SRBD1: variants seen among roughly 807,000 people sequenced by gnomAD.
SRBD1 encodes the protein S1 RNA binding domain 1.
In SRBD1, 88 loss-of-function variants were observed where a neutral mutation model predicts 115.3. The observed-to-expected ratio is 0.76, with a 90% confidence interval of 0.64 to 0.91. SRBD1 has a LOEUF of 0.91. Ranked by LOEUF, SRBD1 falls within the 40% of genes least tolerant of loss-of-function variation. The probability of loss-of-function intolerance (pLI) is 0.00; values close to 1 mark genes in which losing one functional copy is unlikely to be tolerated. For synonymous variants in SRBD1, 509 were observed against 407.7 expected, an observed-to-expected ratio of 1.25 and a Z score of -2.99; for missense variants, 1,385 against 1,177.4, an observed-to-expected ratio of 1.18 and a Z score of -2.58.
At chr2:45,555,055 C>G (rs1672429792) in intron 10 of SRBD1, among the ~76,000 whole-genome samples, 6 of 152,036 alleles carry the variant, frequency 3.9e-5, no homozygotes, top group Admixed American at 3.3e-4. Flanking sequence ...TCAAAGACCA[C>G]AAATTTCCAG....
intron 14 of SRBD1, among the ~76,000 whole-genome samples, chr2:45,515,991 CCT>C (rs1426322697): frequency 6.6e-6 from 1 of 152,136 alleles, no homozygotes; most frequent in African/African-American, 2.4e-5. Flanking sequence ...CCTGCCTTGC[CCT>C]CTGTGTTACC....
At chr2:45,565,530 T>C (rs1216092607) in intron 9 of SRBD1, among the ~76,000 whole-genome samples, 1 of 152,104 alleles carries the variant, frequency 6.6e-6, no homozygotes, top group Admixed American at 6.6e-5. Flanking sequence ...AAAATTTCCA[T>C]TAAAAAAGGA....
intron 16 of SRBD1, among the ~76,000 whole-genome samples, chr2:45,472,353 T>C (rs1374371890): frequency 2.6e-5 from 4 of 152,222 alleles, no homozygotes; most frequent in South Asian, 4.1e-4. Flanking sequence ...AATGCGTTTC[T>C]TTTTGGGGTG....
At chr2:45,486,376 ATAT>A (rs1670118872) in intron 15 of SRBD1, among the ~76,000 whole-genome samples, 1 of 152,182 alleles carries the variant, frequency 6.6e-6, no homozygotes, top group Non-Finnish European at 1.5e-5. Flanking sequence ...AGGTACACAA[ATAT>A]TATGTGCACA....
At chr2:45,504,442 G>C (rs1399367104) in intron 14 of SRBD1, among the ~76,000 whole-genome samples, 1 of 151,988 alleles carries the variant, frequency 6.6e-6, no homozygotes, top group East Asian at 1.9e-4. Flanking sequence ...CACCAAATTA[G>C]ACTATCATCA....
At chr2:45,521,076 C>G (rs1671267313) in intron 14 of SRBD1, among the ~76,000 whole-genome samples, 1 of 152,100 alleles carries the variant, frequency 6.6e-6, no homozygotes, top group Non-Finnish European at 1.5e-5. Flanking sequence ...CGCATGCTCC[C>G]CCTCCCATAA....
At chr2:45,590,461 T>G (rs1257291268) in intron 4 of SRBD1, among the ~76,000 whole-genome samples, 8 of 152,204 alleles carry the variant, frequency 5.3e-5, no homozygotes, top group Non-Finnish European at 1.2e-4. Flanking sequence ...AAATCTCACC[T>G]TGATTTGTAA....
intron 14 of SRBD1, among the ~76,000 whole-genome samples, chr2:45,537,477 TAA>T (rs1225787863): frequency 6.6e-6 from 1 of 152,182 alleles, no homozygotes; most frequent in Non-Finnish European, 1.5e-5. Flanking sequence ...ACTGTGCCTG[TAA>T]CATAGTCTTG....
intron 16 of SRBD1, among the ~76,000 whole-genome samples, chr2:45,453,935 A>C (rs1213336738): frequency 1.3e-5 from 2 of 152,002 alleles, no homozygotes; most frequent in African/African-American, 4.8e-5. Context: ...CAATTAACAT[A>C]AATCTCCAGT....
chr2:45,410,605 G>C (rs1426689325), intron 19 of SRBD1, among the ~76,000 whole-genome samples: 2 of 152,210 alleles, frequency 1.3e-5, no homozygotes. Flanking sequence ...ACGACTGGTA[G>C]CTGGGGTCCC....
chr2:45,417,243 T>G (rs1318533789), intron 18 of SRBD1, among the ~76,000 whole-genome samples: 1 of 152,212 alleles, frequency 6.6e-6, no homozygotes, highest in Non-Finnish European at 1.5e-5. Flanking sequence ...TTTAAGTCTA[T>G]GATAAATCTG....
intron 9 of SRBD1, among the ~76,000 whole-genome samples, chr2:45,570,945 G>A (rs1373737254): frequency 6.6e-6 from 1 of 152,094 alleles, no homozygotes; most frequent in African/African-American, 2.4e-5. Flanking sequence ...CAGCCATGAG[G>A]GGTAAGGGAT....
intron 19 of SRBD1, among the ~76,000 whole-genome samples, chr2:45,405,781 A>G (rs1276696930): frequency 1.0e-5 from 1 of 97,076 alleles, no homozygotes; most frequent in Non-Finnish European, 2.3e-5. Context: ...ATTAGTTGAG[A>G]GAATAATTTC....
chr2:45,548,717 C>CAAA (rs60205757), intron 12 of SRBD1, among the ~76,000 whole-genome samples: 137 of 139,964 alleles, frequency 9.8e-4, no homozygotes, highest in South Asian at 1.4e-3. Context: ...TGAACAGATG[C>CAAA]AAAAAAAAAA....
At chr2:45,550,545 C>T (rs1672264394) in intron 12 of SRBD1, among the ~76,000 whole-genome samples, 1 of 148,028 alleles carries the variant, frequency 6.8e-6, no homozygotes, top group South Asian at 2.1e-4. Context: ...AACTGCCAAT[C>T]TTGAATTCTA....
Position 45,442,957 on chromosome 2 carries a change from G to A in SRBD1, c.2050-23063C>T, listed in dbSNP as rs138700370. Among the ~76,000 whole-genome samples, 151 of 152,178 alleles carry A rather than the reference G, an allele frequency of 9.9e-4. No homozygotes were observed. The Middle Eastern group carries it at 0.01, about 10-fold the overall frequency. On this transcript the variant is annotated intron_variant, in intron 16 of 20. Coordinates refer to ENST00000263736, the MANE Select transcript of SRBD1 (RefSeq NM_018079.5). ...TATCTACTGTTTTGAATGGCCACAC[G>A]TAGTAACAAGCTACAGTGCTGAAAT... is the stretch of plus-strand genomic sequence containing the variant.
intron 16 of SRBD1, among the ~76,000 whole-genome samples, chr2:45,450,270 G>A (rs564491239): frequency 1.3e-5 from 2 of 152,246 alleles, no homozygotes; most frequent in South Asian, 2.1e-4. Context: ...AGAAGATAGC[G>A]AATTCAAAGT....
At chr2:45,431,410 G>T (rs1668332440) in intron 16 of SRBD1, among the ~76,000 whole-genome samples, 1 of 152,134 alleles carries the variant, frequency 6.6e-6, no homozygotes. Context: ...ATGATAGACT[G>T]GATAAAGAAA....
intron 14 of SRBD1, among the ~76,000 whole-genome samples, chr2:45,522,616 T>C (rs1394720033): frequency 6.6e-6 from 1 of 152,154 alleles, no homozygotes; most frequent in Non-Finnish European, 1.5e-5. Flanking sequence ...ATACTAAAAT[T>C]TTCCTCCATT....
Sources: allele counts gnomAD v4.1 joint callset (sites outside exome capture counted in the v4.1 genomes callset), GRCh38; gene constraint gnomAD v4.1.1; transcripts MANE v1.5; gene names NCBI Gene and HGNC (gene_info 2026-07-23, HGNC 2026-07-21).